CDH18: variants seen among roughly 807,000 people sequenced by gnomAD.
CDH18 encodes cadherin-18.
A neutral mutation model predicts 67.9 loss-of-function variants in CDH18; 31 were observed. The ratio of observed to expected loss-of-function variants is 0.46; its 90% CI spans 0.34 to 0.62. CDH18 has a LOEUF of 0.62. Ranked by LOEUF, CDH18 falls within the 20% of genes least tolerant of loss-of-function variation. CDH18 has a pLI of 0.01. For missense variants in CDH18, 890 were observed against 975.5 expected (o/e 0.91, Z 1.17); for synonymous variants, 362 against 347.2 (o/e 1.04, Z -0.48).
chr5:20,372,177 A>G (rs1743057914), intron 1 of CDH18, among the ~76,000 whole-genome samples: 1 of 152,208 alleles, frequency 6.6e-6, no homozygotes, highest in Non-Finnish European at 1.5e-5. Context: ...CGTGAAATAC[A>G]GCTGAGTGGA....
intron 5 of CDH18, among the ~76,000 whole-genome samples, chr5:19,681,501 G>A (rs1760321939): frequency 6.6e-6 from 1 of 151,894 alleles, no homozygotes; most frequent in African/African-American, 2.4e-5. Context: ...TATTGTGGCA[G>A]TGTCTCAAAA....
chr5:20,536,400 A>G (rs1405865398), intron 1 of CDH18, among the ~76,000 whole-genome samples: 1 of 152,190 alleles, frequency 6.6e-6, no homozygotes, highest in African/African-American at 2.4e-5. Flanking sequence ...AAAGATCTGC[A>G]ATACCAGTGA....
chr5:19,611,905 G>T (rs1339367432), intron 6 of CDH18, among the ~76,000 whole-genome samples: 4 of 150,590 alleles, frequency 2.7e-5, no homozygotes, highest in African/African-American at 9.8e-5. Context: ...TTTACTCTGA[G>T]ACCTCATCTT....
chr5:19,861,375 G>A (rs1320830083), intron 2 of CDH18, among the ~76,000 whole-genome samples: 5 of 152,096 alleles, frequency 3.3e-5, no homozygotes, highest in African/African-American at 1.2e-4. Context: ...GAGCCGGGAG[G>A]AGGCTAGGCT....
intron 2 of CDH18, among the ~76,000 whole-genome samples, chr5:19,919,402 A>T (rs2150161320): frequency 6.6e-6 from 1 of 152,330 alleles, no homozygotes; most frequent in South Asian, 2.1e-4. Context: ...CAAGTTGGAC[A>T]GCTGAATACC....
At chr5:20,217,580 A>G (rs2126426489) in intron 2 of CDH18, among the ~76,000 whole-genome samples, 1 of 152,002 alleles carries the variant, frequency 6.6e-6, no homozygotes, top group South Asian at 2.1e-4. Flanking sequence ...ATCTACAATA[A>G]AATTAAGACA....
chr5:20,158,970 C>G (rs1200482231), intron 2 of CDH18: 1 of 163,334 alleles, frequency 6.1e-6, no homozygotes, highest in Non-Finnish European at 1.5e-5. Flanking sequence ...TTTCCCTCAT[C>G]TAAGGCCCAG....
chr5:20,491,974 AAT>A lies in CDH18; in HGVS notation c.-580+83486_-580+83487del, dbSNP rs1164536466. On this transcript the variant is annotated intron_variant, in intron 1 of 14. Transcript: ENST00000507958. ...TTCTAATTTAATTTTTACTTTTAAT[AAT>A]ATGTTTTATTTTATTCAATATAATA... Among the ~76,000 whole-genome samples the A allele has an allele frequency of 2.6e-5, 4 of 152,188 alleles. No homozygotes were observed. In the East Asian group the frequency reaches 5.8e-4, roughly 22 times the overall value.
At chr5:20,345,784 T>C (rs879015860) in intron 1 of CDH18, among the ~76,000 whole-genome samples, 2 of 152,066 alleles carry the variant, frequency 1.3e-5, no homozygotes, top group Admixed American at 6.6e-5. Context: ...GCACCACCAA[T>C]TCCAGAGTGG....
chr5:19,611,469 T>C (rs938504383), intron 6 of CDH18, among the ~76,000 whole-genome samples: 2 of 152,106 alleles, frequency 1.3e-5, no homozygotes, highest in Non-Finnish European at 2.9e-5. Flanking sequence ...TTAGTTGAAG[T>C]AAGGACGTAC....
At chr5:19,968,613 A>G (rs1034137570) in intron 2 of CDH18, among the ~76,000 whole-genome samples, 1 of 148,166 alleles carries the variant, frequency 6.7e-6, no homozygotes, top group Non-Finnish European at 1.5e-5. Context: ...TATTTAATAA[A>G]TGGTGCTGGG....
chr5:20,412,326 A>T (rs1309619085), intron 1 of CDH18, among the ~76,000 whole-genome samples: 1 of 152,208 alleles, frequency 6.6e-6, no homozygotes, highest in Non-Finnish European at 1.5e-5. Flanking sequence ...AAGCAGTGAA[A>T]TAAACTGGGC....
intron 3 of CDH18, among the ~76,000 whole-genome samples, chr5:19,804,886 T>C (rs1463303598): frequency 2.0e-5 from 3 of 152,156 alleles, no homozygotes; most frequent in Non-Finnish European, 4.4e-5. Flanking sequence ...ACTAAGTCTC[T>C]TCAGGAGAAA....
chr5:20,398,114 C>G (rs1032442924), intron 1 of CDH18, among the ~76,000 whole-genome samples: 38 of 152,244 alleles, frequency 2.5e-4, no homozygotes, highest in African/African-American at 9.1e-4. Context: ...AAATCTGAGT[C>G]TATTTCATGA....
chr5:20,391,693 G>A (rs181803352), intron 1 of CDH18, among the ~76,000 whole-genome samples: 21 of 151,964 alleles, frequency 1.4e-4, no homozygotes, highest in East Asian at 5.8e-4. Flanking sequence ...AATACATCAC[G>A]TTAATAATTT....
At chr5:19,523,273 T>G (rs1210572987) in intron 9 of CDH18, among the ~76,000 whole-genome samples, 1 of 152,148 alleles carries the variant, frequency 6.6e-6, no homozygotes, top group Non-Finnish European at 1.5e-5. Flanking sequence ...TATGTGCACT[T>G]AAGTTACATG....
chr5:20,109,216 AAAC>A (rs1209207670), intron 2 of CDH18, among the ~76,000 whole-genome samples: 1 of 152,210 alleles, frequency 6.6e-6, no homozygotes, highest in Non-Finnish European at 1.5e-5. Flanking sequence ...CTGCCCCTAT[AAAC>A]AACACAAGAA....
intron 2 of CDH18, among the ~76,000 whole-genome samples, chr5:20,242,938 T>C (rs1287525380): frequency 1.3e-5 from 2 of 152,144 alleles, no homozygotes; most frequent in African/African-American, 2.4e-5. Context: ...ACTGTATTAC[T>C]TATGATAAGG....
At chr5:20,410,752 C>T (rs575039308) in intron 1 of CDH18, among the ~76,000 whole-genome samples, 87 of 151,558 alleles carry the variant, frequency 5.7e-4, no homozygotes, top group Admixed American at 9.9e-4. Context: ...TATGTAGAAA[C>T]GTTAAAGTCT....
Sources: gnomAD v4.1 joint callset for allele counts (sites outside exome capture counted in the v4.1 genomes callset) on GRCh38, gnomAD v4.1.1 for gene constraint, MANE v1.5 for transcripts, NCBI Gene and HGNC (gene_info 2026-07-23, HGNC 2026-07-21) for gene names.